Variants in BTD observed in about 807,000 individuals in gnomAD.
BTD encodes the protein biotinidase.
A neutral mutation model predicts 17.7 loss-of-function variants in BTD; 13 were observed. That is an observed-to-expected ratio of 0.74 (90% CI 0.48 to 1.17). BTD has a LOEUF of 1.17. BTD is among the 50% of genes most tolerant of loss of function. The pLI is 0.00. For missense variants in BTD, 674 were observed against 650.4 expected (o/e 1.04, Z -0.39); for synonymous variants, 240 against 245.2 (o/e 0.98, Z 0.20).
intron 3 of BTD, among the ~76,000 whole-genome samples, chr3:15,681,278 G>C (rs1301041670): frequency 1.3e-5 from 2 of 152,132 alleles, no homozygotes; most frequent in Non-Finnish European, 2.9e-5. Context: ...GTCTGTACAT[G>C]TTCAGCCTAA....
At chr3:15,689,645 C>T (rs762536548) in intron 3 of BTD, among the ~76,000 whole-genome samples, 19 of 152,190 alleles carry the variant, frequency 1.2e-4, no homozygotes, top group Non-Finnish European at 2.6e-4. Flanking sequence ...AAGCCAGGCA[C>T]AAAGTTAGTT....
chr3:15,630,530 A>T (rs1289126451), intron 1 of BTD, among the ~76,000 whole-genome samples: 1 of 152,200 alleles, frequency 6.6e-6, no homozygotes, highest in Non-Finnish European at 1.5e-5. Context: ...GAAAGATATA[A>T]CGTGTTTCAG....
chr3:15,690,896 G>T (rs540402618), intron 3 of BTD, among the ~76,000 whole-genome samples: 1 of 152,214 alleles, frequency 6.6e-6, no homozygotes, highest in East Asian at 1.9e-4. Context: ...TCACAGTTCA[G>T]TGCTCCACAT....
chr3:15,658,598 G>A (rs1055871576), downstream of BTD, among the ~76,000 whole-genome samples: 14 of 152,140 alleles, frequency 9.2e-5, no homozygotes, highest in Middle Eastern at 3.4e-3. Context: ...ACAACACAGA[G>A]TGGAAGCTAC....
downstream of BTD, among the ~76,000 whole-genome samples, chr3:15,713,095 G>A (rs1281766236): frequency 6.6e-6 from 1 of 152,068 alleles, no homozygotes; most frequent in Non-Finnish European, 1.5e-5. Context: ...CAAAATGGGG[G>A]TGGGGGTAAG....
chr3:15,715,919 C>A (rs902647129), downstream of BTD, among the ~76,000 whole-genome samples: 18 of 151,526 alleles, frequency 1.2e-4, no homozygotes, highest in Non-Finnish European at 1.6e-4. Flanking sequence ...AGGATTCTGT[C>A]TTTCCAAAAT....
intron 3 of BTD, chr3:15,675,872 G>A (rs750869728): frequency 1.3e-6 from 2 of 1,552,340 alleles, no homozygotes. Context: ...TCTAGGTTAA[G>A]GGAAGAGAAT....
At chr3:15,672,830 C>T (rs188778888) in intron 3 of BTD, among the ~76,000 whole-genome samples, 135 of 152,352 alleles carry the variant, frequency 8.9e-4, no homozygotes, top group East Asian at 9.6e-4. Flanking sequence ...GGCTAGAGTG[C>T]ACTGGCATGA....
At chr3:15,670,193 G>A (rs1037120037) in intron 3 of BTD, 8 of 1,467,168 alleles carry the variant, frequency 5.5e-6, no homozygotes, top group Middle Eastern at 1.9e-4. Flanking sequence ...GAATTTCTAC[G>A]TGAATATCAA....
chr3:15,679,971 G>A (rs150004655), intron 3 of BTD, among the ~76,000 whole-genome samples: 339 of 152,184 alleles, frequency 2.2e-3, no homozygotes, highest in African/African-American at 7.9e-3. Context: ...TTAAAGTATA[G>A]CAGAGAATGT....
At chr3:15,720,987 A>G (rs892257386) in intron 4 of BTD, 3 of 1,613,844 alleles carry the variant, frequency 1.9e-6, no homozygotes, top group African/African-American at 2.7e-5. Flanking sequence ...ATGCAGCAGC[A>G]AAGTGCAAAG....
At position 15,645,157 on chromosome 3, in the gene BTD, C is replaced by A. The variant is rs756080092; in HGVS notation, c.1241C>A (p.Ser414Tyr). The A allele has an allele frequency of 1.2e-6, 2 of 1,614,176 alleles. No individual in the cohort carries two copies. Reference protein sequence around the residue: ...CYLLYERPTLSKELYALGVFD... With the variant: ...CYLLYERPTLYKELYALGVFD... ...TTACTTTACGAGAGGCCCACCTTAT[C>A]CAAAGAGCTGTATGCCCTGGGGGTC... The change falls in exon 4 of 4, where the codon TCC becomes TAC. Residue 414 changes from serine to tyrosine, a missense_variant. By Grantham distance (144) the Ser-to-Tyr change is moderately radical (BLOSUM62 -2). Transcript: ENST00000643237.
chr3:15,715,279 C>A (rs546475269), downstream of BTD, among the ~76,000 whole-genome samples: 12 of 152,244 alleles, frequency 7.9e-5, no homozygotes, highest in Non-Finnish European at 1.3e-4. Context: ...CCAAAACATA[C>A]ATGTTACCAA....
At chr3:15,644,063 C>T (rs549915935) in intron 3 of BTD, among the ~76,000 whole-genome samples, 85 of 151,568 alleles carry the variant, frequency 5.6e-4, no homozygotes, top group African/African-American at 1.8e-3. Flanking sequence ...TGCAGTGGCG[C>T]GATCTCGGCT....
intron 3 of BTD, among the ~76,000 whole-genome samples, chr3:15,705,742 C>T (rs2071264189): frequency 6.6e-6 from 1 of 152,210 alleles, no homozygotes; most frequent in Admixed American, 6.5e-5. Flanking sequence ...TGGCTCACTC[C>T]TGTAATCCCA....
chr3:15,644,571 A>G lies in BTD; in HGVS notation c.655A>G (p.Arg219Gly). The G allele has an allele frequency of 6.2e-7, 1 of 1,614,198 alleles. No homozygotes were observed. The highest frequency in any genetic ancestry group is 2.2e-5 in the East Asian group (1 of 44,890). Residue 219 changes from arginine (R) to glycine (G), a missense_variant, in exon 4 of 4, where the codon AGG becomes GGG. Transcript: ENST00000643237. ...CACCTTTGATACCCCCTTTGCTGGCAGGTTTGGCATCTTCACATGCTTTGA... is the reference window on the plus strand; with the variant it reads ...CACCTTTGATACCCCCTTTGCTGGCGGGTTTGGCATCTTCACATGCTTTGA... ...LITFDTPFAG[R>G]FGIFTCFDIL...
intron 3 of BTD, among the ~76,000 whole-genome samples, chr3:15,642,496 C>G (rs2065543334): frequency 6.6e-6 from 1 of 150,766 alleles, no homozygotes; most frequent in African/African-American, 2.4e-5. Context: ...ACTCTGCCAC[C>G]CAGGCTGGAG....
chr3:15,667,910 T>TAA (rs1344008568), intron 3 of BTD: 1 of 152,218 alleles, frequency 6.6e-6, no homozygotes, highest in Non-Finnish European at 1.5e-5. Context: ...TTAGATGTGG[T>TAA]AAATCTAATA....
intron 1 of BTD, among the ~76,000 whole-genome samples, chr3:15,629,815 C>A (rs2065159687): frequency 6.6e-6 from 1 of 152,202 alleles, no homozygotes; most frequent in Admixed American, 6.5e-5. Flanking sequence ...GGAGACCTGG[C>A]TCCCAGTCTC....
Sources: allele counts gnomAD v4.1 joint callset (sites outside exome capture counted in the v4.1 genomes callset), GRCh38; gene constraint gnomAD v4.1.1; transcripts MANE v1.5; gene names NCBI Gene and HGNC (gene_info 2026-07-23, HGNC 2026-07-21).